SLC12A6: variants seen among roughly 807,000 people sequenced by gnomAD.
The protein encoded by SLC12A6 is K-Cl cotransporter 3.
Under a neutral mutation model 135.3 loss-of-function variants are expected in SLC12A6, and 66 were observed. The ratio of observed to expected loss-of-function variants is 0.49; its 90% CI spans 0.40 to 0.60. The LOEUF (loss-of-function observed/expected upper bound fraction) is 0.60, where lower values mean the gene tolerates loss of function less well. Ranked by LOEUF, SLC12A6 falls within the 20% of genes least tolerant of loss-of-function variation. SLC12A6 has a pLI of 0.00. For synonymous variants in SLC12A6, 513 were observed against 508.8 expected, an observed-to-expected ratio of 1.01 and a Z score of -0.11; for missense variants, 1,058 against 1,452.3, an observed-to-expected ratio of 0.73 and a Z score of 4.41.
At chr15:34,244,870 C>T (rs540690339) in intron 15 of SLC12A6, among the ~76,000 whole-genome samples, 5 of 152,294 alleles carry the variant, frequency 3.3e-5, no homozygotes, top group Admixed American at 2.0e-4. Context: ...GCACTCATCA[C>T]GCTATATGGG....
At chr15:34,318,619 G>A in intron 2 of SLC12A6, 1 of 1,613,748 alleles carries the variant, frequency 6.2e-7, no homozygotes. Flanking sequence ...GCTCTTGAGA[G>A]ATCGAAGCCG....
chr15:34,308,644 A>AAAAAAC (rs1566858635), intron 2 of SLC12A6, among the ~76,000 whole-genome samples: 14 of 149,586 alleles, frequency 9.4e-5, no homozygotes, highest in African/African-American at 3.5e-4. Flanking sequence ...AAAAAAAAAA[A>AAAAAAC]AAAAAAAACA....
At chr15:34,311,836 C>T (rs1372257547) in intron 2 of SLC12A6, among the ~76,000 whole-genome samples, 3 of 151,902 alleles carry the variant, frequency 2.0e-5, no homozygotes, top group East Asian at 1.9e-4. Context: ...ATACCCTGCT[C>T]TCATTCCTTT....
intron 2 of SLC12A6, among the ~76,000 whole-genome samples, chr15:34,307,890 A>T (rs1887844787): frequency 6.6e-6 from 1 of 152,188 alleles, no homozygotes; most frequent in African/African-American, 2.4e-5. Context: ...TCTGTCACAA[A>T]AGGTTACATG....
intron 2 of SLC12A6, among the ~76,000 whole-genome samples, chr15:34,297,249 C>G (rs772863911): frequency 6.6e-6 from 1 of 152,082 alleles, no homozygotes; most frequent in Non-Finnish European, 1.5e-5. Flanking sequence ...AATTTATACT[C>G]TATTTATGGC....
At chr15:34,321,139 C>T (rs1889060448) in intron 2 of SLC12A6, among the ~76,000 whole-genome samples, 1 of 152,134 alleles carries the variant, frequency 6.6e-6, no homozygotes, top group African/African-American at 2.4e-5. Flanking sequence ...ACTTTAAAAC[C>T]TCTAATGCCC....
intron 3 of SLC12A6, among the ~76,000 whole-genome samples, chr15:34,274,811 CA>C (rs564056104): frequency 5.0e-4 from 69 of 137,942 alleles, no homozygotes; most frequent in South Asian, 2.3e-3. Flanking sequence ...GACACTGTCT[CA>C]AAAAAAAAAA....
intron 13 of SLC12A6, among the ~76,000 whole-genome samples, chr15:34,246,745 C>T (rs1327368697): frequency 6.6e-6 from 1 of 152,032 alleles, no homozygotes; most frequent in Non-Finnish European, 1.5e-5. Flanking sequence ...CTCTCTGGCT[C>T]AGGCGATGCT....
chr15:34,300,125 AG>A (rs1896141507), intron 2 of SLC12A6, among the ~76,000 whole-genome samples: 1 of 152,196 alleles, frequency 6.6e-6, no homozygotes, highest in Non-Finnish European at 1.5e-5. Context: ...AGAAATCACA[AG>A]AGTTAGGAAG....
chr15:34,263,457 T>C (rs1893293094), intron 3 of SLC12A6, among the ~76,000 whole-genome samples: 1 of 152,070 alleles, frequency 6.6e-6, no homozygotes, highest in Non-Finnish European at 1.5e-5. Flanking sequence ...AATTATGTCA[T>C]TTAACTATTA....
intron 2 of SLC12A6, among the ~76,000 whole-genome samples, chr15:34,278,500 G>A (rs572412412): frequency 1.2e-4 from 19 of 152,232 alleles, no homozygotes; most frequent in African/African-American, 2.9e-4. Context: ...CATACATGAC[G>A]TATGTATACT....
At chr15:34,326,693 T>A (rs1253510070) in intron 2 of SLC12A6, among the ~76,000 whole-genome samples, 7 of 172 alleles carry the variant, frequency 0.041, no homozygotes, top group East Asian at 0.35. Flanking sequence ...ATTTTATTAC[T>A]TTTTTTTTTT....
chr15:34,323,492 G>A (rs913598586), intron 2 of SLC12A6, among the ~76,000 whole-genome samples: 1 of 152,140 alleles, frequency 6.6e-6, no homozygotes, highest in Non-Finnish European at 1.5e-5. Flanking sequence ...CAGCAATTCC[G>A]AGGGATCTAA....
intron 2 of SLC12A6, among the ~76,000 whole-genome samples, chr15:34,319,886 A>C (rs1478782026): frequency 6.6e-6 from 1 of 152,170 alleles, no homozygotes; most frequent in Non-Finnish European, 1.5e-5. Context: ...TTCAAAGAAA[A>C]AAAAAAAAGT....
chr15:34,237,282 T>G, intron 22 of SLC12A6, 137 bp downstream of exon 22: 1 of 639,092 alleles, frequency 1.6e-6, no homozygotes, highest in South Asian at 1.9e-5. Context: ...TTAGGGTTTT[T>G]TTTTGTTTTT....
intron 2 of SLC12A6, among the ~76,000 whole-genome samples, chr15:34,301,890 C>G (rs528111993): frequency 6.6e-6 from 1 of 152,286 alleles, no homozygotes; most frequent in South Asian, 2.1e-4. Flanking sequence ...AACAGAGGCT[C>G]TTAAGCAAAC....
chr15:34,324,598 T>A (rs1396386988), intron 2 of SLC12A6, among the ~76,000 whole-genome samples: 1 of 150,070 alleles, frequency 6.7e-6, no homozygotes, highest in African/African-American at 2.5e-5. Context: ...TGTTCTGTTT[T>A]ATTAAACCCA....
At chr15:34,246,157 T>C (rs922224311) in intron 13 of SLC12A6, among the ~76,000 whole-genome samples, 1 of 152,174 alleles carries the variant, frequency 6.6e-6, no homozygotes, top group African/African-American at 2.4e-5. Flanking sequence ...GGTCTCGAAC[T>C]CTTGGCCTCA....
intron 13 of SLC12A6, among the ~76,000 whole-genome samples, chr15:34,248,933 C>T (rs1011287299): frequency 2.0e-5 from 3 of 151,998 alleles, no homozygotes; most frequent in Admixed American, 6.6e-5. Flanking sequence ...TGTGTTTATA[C>T]GTGGAGACAT....
Sources: gnomAD v4.1 joint callset for allele counts (sites outside exome capture counted in the v4.1 genomes callset) on GRCh38, gnomAD v4.1.1 for gene constraint, MANE v1.5 for transcripts, NCBI Gene and HGNC (gene_info 2026-07-23, HGNC 2026-07-21) for gene names.